PTPRR: variants seen among roughly 807,000 people sequenced by gnomAD.
PTPRR encodes protein tyrosine phosphatase receptor type R.
Under a neutral mutation model 77.2 loss-of-function variants are expected in PTPRR, and 38 were observed. The ratio of observed to expected loss-of-function variants is 0.49; its 90% CI spans 0.38 to 0.65. The LOEUF (loss-of-function observed/expected upper bound fraction) is 0.65. Among genes scored for constraint, PTPRR ranks in the 30% least tolerant of loss-of-function variants. The probability of loss-of-function intolerance (pLI) is 0.00; values close to 1 mark genes in which losing one functional copy is unlikely to be tolerated. For missense variants in PTPRR, 744 were observed against 799.2 expected, an observed-to-expected ratio of 0.93 and a Z score of 0.83; for synonymous variants, 299 against 283.1, an observed-to-expected ratio of 1.06 and a Z score of -0.57.
rs989910946 is a variant in PTPRR at position 70,681,768 on chromosome 12, T to A, written c.1497+2359A>T. Among the ~76,000 whole-genome samples the A allele has an allele frequency of 2.0e-5, 3 of 152,318 alleles. No individual in the cohort carries two copies. In the South Asian group the frequency reaches 6.2e-4, roughly 32 times the overall value. ...TTGCTTTGCCCTGGCTGGGCTTTTC[T>A]ATGGAAATCTGTGAGGTATATGCTG... On this transcript the variant is annotated intron_variant, in intron 10 of 13. Coordinates refer to ENST00000283228, the MANE Select transcript of PTPRR (RefSeq NM_002849.4).
At chr12:70,779,735 G>A (rs1891163662) in intron 2 of PTPRR, among the ~76,000 whole-genome samples, 2 of 152,150 alleles carry the variant, frequency 1.3e-5, no homozygotes, top group Non-Finnish European at 2.9e-5. Context: ...CATGAGTCAT[G>A]ATAACCAACA....
chr12:70,660,714 C>T (rs1010380115), intron 12 of PTPRR, among the ~76,000 whole-genome samples: 5 of 152,318 alleles, frequency 3.3e-5, no homozygotes, highest in Admixed American at 6.5e-5. Context: ...ACTTGTATTT[C>T]GCCGACTGTG....
chr12:70,876,215 T>C (rs1468055519), intron 2 of PTPRR, among the ~76,000 whole-genome samples: 2 of 152,110 alleles, frequency 1.3e-5, no homozygotes, highest in African/African-American at 2.4e-5. Context: ...AAAGGACATA[T>C]ATATGTAAAT....
intron 6 of PTPRR, among the ~76,000 whole-genome samples, chr12:70,737,120 G>A (rs1664131447): frequency 6.6e-6 from 1 of 152,130 alleles, no homozygotes; most frequent in South Asian, 2.1e-4. Flanking sequence ...ACCATCCCTG[G>A]GTGGCCTGGA....
At chr12:70,821,964 G>A (rs750413943) in intron 2 of PTPRR, among the ~76,000 whole-genome samples, 8 of 152,134 alleles carry the variant, frequency 5.3e-5, no homozygotes, top group Middle Eastern at 3.4e-3. Flanking sequence ...ACGCCCGGCC[G>A]AAACCTATGT....
At chr12:70,747,954 G>A (rs78899887) in intron 5 of PTPRR, among the ~76,000 whole-genome samples, 2 of 152,252 alleles carry the variant, frequency 1.3e-5, no homozygotes, top group South Asian at 2.1e-4. Context: ...CTCAGGAAAC[G>A]TTTGGCAGTG....
At chr12:70,674,080 C>T (rs916051893) in intron 10 of PTPRR, among the ~76,000 whole-genome samples, 4 of 151,888 alleles carry the variant, frequency 2.6e-5, no homozygotes, top group Admixed American at 2.6e-4. Flanking sequence ...ACAACAGGTG[C>T]GCACCACCAC....
chr12:70,699,551 A>T (rs1326587711), intron 7 of PTPRR, among the ~76,000 whole-genome samples: 1 of 152,196 alleles, frequency 6.6e-6, no homozygotes, highest in Non-Finnish European at 1.5e-5. Flanking sequence ...GGCTCAAGGC[A>T]TCCTCCCATC....
chr12:70,737,474 T>C (rs1191500620), intron 6 of PTPRR, among the ~76,000 whole-genome samples: 1 of 141,854 alleles, frequency 7.0e-6, no homozygotes, highest in Admixed American at 7.0e-5. Flanking sequence ...CGATTATGGG[T>C]CTATTTAATG....
At chr12:70,706,735 T>C (rs536314747) in intron 6 of PTPRR, among the ~76,000 whole-genome samples, 1 of 152,206 alleles carries the variant, frequency 6.6e-6, no homozygotes, top group Non-Finnish European at 1.5e-5. Flanking sequence ...ACCAGATACA[T>C]TGAACTTGTC....
At chr12:70,858,071 C>G (rs1376035690) in intron 2 of PTPRR, among the ~76,000 whole-genome samples, 1 of 152,108 alleles carries the variant, frequency 6.6e-6, no homozygotes, top group East Asian at 1.9e-4. Flanking sequence ...ATCAGGGGCA[C>G]TAGAGACAGG....
At chr12:70,914,721 G>T (rs1893749192) in intron 1 of PTPRR, among the ~76,000 whole-genome samples, 1 of 152,150 alleles carries the variant, frequency 6.6e-6, no homozygotes, top group Non-Finnish European at 1.5e-5. Flanking sequence ...ACTCTCTGAG[G>T]TTGAGGCAGG....
chr12:70,813,744 T>C (rs1891850751), intron 2 of PTPRR, among the ~76,000 whole-genome samples: 1 of 152,042 alleles, frequency 6.6e-6, no homozygotes, highest in South Asian at 2.1e-4. Flanking sequence ...AAGTTCAGAA[T>C]TCAAAGAGGC....
chr12:70,734,974 G>T (rs1250197057), intron 6 of PTPRR, among the ~76,000 whole-genome samples: 1 of 152,058 alleles, frequency 6.6e-6, no homozygotes, highest in Non-Finnish European at 1.5e-5. Context: ...TAATTTTCAG[G>T]CAGGTTTCAA....
rs146807346 is a variant in PTPRR, at chr12:70,712,170, T to C, written c.1008-10847A>G. Among the ~76,000 whole-genome samples, 14 of 152,096 alleles carry C rather than the reference T, an allele frequency of 9.2e-5. No homozygotes were observed. In the East Asian group the frequency reaches 2.3e-3, roughly 25 times the overall value. Reference sequence around the variant, plus strand: ...GTTACTCTGTGGCCACAGATTATATTTAAAGTATCATCAGTCTTCAGGTGG... The same window carrying C: ...GTTACTCTGTGGCCACAGATTATATCTAAAGTATCATCAGTCTTCAGGTGG... On this transcript the variant is annotated intron_variant, in intron 6 of 13. Coordinates refer to ENST00000283228, the MANE Select transcript of PTPRR (RefSeq NM_002849.4).
chr12:70,672,711 G>A (rs1887280647), intron 10 of PTPRR: 1 of 1,545,718 alleles, frequency 6.5e-7, no homozygotes. Context: ...GGGTCTCCCA[G>A]TTTGTCACCT....
intron 2 of PTPRR, among the ~76,000 whole-genome samples, chr12:70,796,633 G>A (rs906798074): frequency 1.8e-4 from 27 of 152,104 alleles, no homozygotes; most frequent in African/African-American, 6.3e-4. Flanking sequence ...ACGTTTTTAG[G>A]GGATCACAAT....
At chr12:70,724,346 C>T (rs1889361194) in intron 6 of PTPRR, among the ~76,000 whole-genome samples, 1 of 152,148 alleles carries the variant, frequency 6.6e-6, no homozygotes, top group Non-Finnish European at 1.5e-5. Context: ...CCTTGGGCAA[C>T]TTAACCTGTA....
intron 2 of PTPRR, among the ~76,000 whole-genome samples, chr12:70,877,291 T>C (rs528902674): frequency 6.6e-6 from 1 of 152,250 alleles, no homozygotes; most frequent in East Asian, 1.9e-4. Context: ...AAGAAGCCCA[T>C]TACACTTCTA....
Sources: gnomAD v4.1 joint callset for allele counts (sites outside exome capture counted in the v4.1 genomes callset) on GRCh38, gnomAD v4.1.1 for gene constraint, MANE v1.5 for transcripts, NCBI Gene and HGNC (gene_info 2026-07-23, HGNC 2026-07-21) for gene names.